Variants in UNC5C observed in about 807,000 individuals in gnomAD.
UNC5C encodes the protein netrin receptor UNC5C.
In UNC5C, 47 loss-of-function variants were observed where a neutral mutation model predicts 99.8. That is an observed-to-expected ratio of 0.47 (90% CI 0.37 to 0.60). UNC5C has a LOEUF of 0.60. Ranked by LOEUF, UNC5C falls within the 20% of genes least tolerant of loss-of-function variation. UNC5C has a pLI of 0.00. For missense variants in UNC5C, 1,062 were observed against 1,165.9 expected (o/e 0.91, Z 1.30); for synonymous variants, 487 against 452.2 (o/e 1.08, Z -0.98).
chr4:95,177,749 T>A (rs1361308364), intron 14 of UNC5C, among the ~76,000 whole-genome samples: 1 of 152,176 alleles, frequency 6.6e-6, no homozygotes, highest in Non-Finnish European at 1.5e-5. Context: ...TCACCCAGGC[T>A]GGAGTGCCAT....
chr4:95,325,922 A>G (rs1158640412), intron 2 of UNC5C, among the ~76,000 whole-genome samples: 1 of 152,124 alleles, frequency 6.6e-6, no homozygotes, highest in Non-Finnish European at 1.5e-5. Context: ...AAATAATTGT[A>G]TTGCATAGCT....
chr4:95,202,860 C>A lies in UNC5C; in HGVS notation c.2007G>T (p.Leu669=). ...CCGCTTTGGTGGTGGAATGTCCTAC[C>A]AGGGCGTAGGTGCTGAGGTTCTCTG... ...ILTENLSTYA[L]VGHSTTKAAA... The change falls in exon 12 of 16, where the codon CTG becomes CTT. Residue 669 remains leucine, a synonymous_variant. Coordinates refer to ENST00000453304, the MANE Select transcript of UNC5C (RefSeq NM_003728.4). The A allele has an allele frequency of 6.2e-7, 1 of 1,614,226 alleles. No individual in the cohort carries two copies. The highest frequency in any genetic ancestry group is 8.5e-7 in the Non-Finnish European group (1 of 1,180,046).
intron 1 of UNC5C, among the ~76,000 whole-genome samples, chr4:95,343,558 A>G (rs1286264068): frequency 6.6e-6 from 1 of 152,228 alleles, no homozygotes; most frequent in South Asian, 2.1e-4. Flanking sequence ...TATCAAGGCC[A>G]TCCAAGAAAA....
At position 95,548,734 on chromosome 4, in the gene UNC5C, C is replaced by G; in HGVS notation, c.124G>C (p.Asp42His). Residue 42 changes from aspartate to histidine, a missense_variant and splice_region_variant, in exon 1 of 16, where the codon GAT (aspartate) becomes CAT (histidine). By Grantham distance (81) the Asp-to-His change is moderately conservative (BLOSUM62 -1). Coordinates refer to ENST00000453304, the MANE Select transcript of UNC5C (RefSeq NM_003728.4). Reference sequence around the variant, plus strand: ...CGCGGAGCTTGGCGGACCCCCTTACCTTGGGCGGCGGAGCCAGTGCCGCTG... The same window carrying G: ...CGCGGAGCTTGGCGGACCCCCTTACGTTGGGCGGCGGAGCCAGTGCCGCTG... ...SASGTGSAAQ[D>H]DDFFHELPET... The G allele has an allele frequency of 6.2e-7, 1 of 1,612,618 alleles. No homozygotes were observed.
chr4:95,300,697 C>G (rs1028971015), intron 3 of UNC5C, among the ~76,000 whole-genome samples: 3 of 151,724 alleles, frequency 2.0e-5, no homozygotes, highest in Non-Finnish European at 2.9e-5. Context: ...CTTTCACATC[C>G]CTAAAGAAAA....
intron 1 of UNC5C, among the ~76,000 whole-genome samples, chr4:95,501,310 A>G (rs1465437622): frequency 6.6e-6 from 1 of 152,076 alleles, no homozygotes; most frequent in Non-Finnish European, 1.5e-5. Flanking sequence ...TCTGAAAACT[A>G]GACTATAATT....
intron 14 of UNC5C, among the ~76,000 whole-genome samples, chr4:95,181,923 G>C (rs1736627584): frequency 6.6e-6 from 1 of 152,208 alleles, no homozygotes; most frequent in Non-Finnish European, 1.5e-5. Flanking sequence ...ACGAGGGAGA[G>C]GTAGTATTTT....
chr4:95,482,483 A>G (rs1721189736), intron 1 of UNC5C, among the ~76,000 whole-genome samples: 1 of 148,970 alleles, frequency 6.7e-6, no homozygotes, highest in Non-Finnish European at 1.5e-5. Context: ...TAGAAATACC[A>G]TTTGACCCAG....
In UNC5C at chr4:95,166,305, C is replaced by T. The variant is rs951225476; in HGVS notation, c.*2929G>A. On this transcript the variant is annotated 3_prime_UTR_variant, in exon 16 of 16. Coordinates refer to ENST00000453304, the MANE Select transcript of UNC5C (RefSeq NM_003728.4). ...GCAATCTAACAGCTATTACTTTACT[C>T]CAAAGGAGAAGGAAATCAGAATTTG... is the stretch of plus-strand genomic sequence containing the variant. 6.6e-5 allele frequency: 10 copies of T among 152,124 alleles called. No individual in the cohort carries two copies. The highest frequency in any genetic ancestry group is 1.3e-4 in the Non-Finnish European group (9 of 68,028). The allele number at this position is 152,124 out of a possible 1,614,324, so 9.4% of individuals were successfully genotyped here.
chr4:95,509,250 A>G (rs1722002331), intron 1 of UNC5C, among the ~76,000 whole-genome samples: 1 of 151,756 alleles, frequency 6.6e-6, no homozygotes, highest in Non-Finnish European at 1.5e-5. Flanking sequence ...CTGTACCTAT[A>G]CTTTTCAATA....
chr4:95,172,274 T>C (rs1736151928), intron 14 of UNC5C, among the ~76,000 whole-genome samples: 1 of 152,016 alleles, frequency 6.6e-6, no homozygotes, highest in African/African-American at 2.4e-5. Flanking sequence ...TTGGCTTTGG[T>C]TGCCATTGCT....
chr4:95,321,554 G>A (rs1441894761), intron 2 of UNC5C, among the ~76,000 whole-genome samples: 1 of 152,106 alleles, frequency 6.6e-6, no homozygotes. Flanking sequence ...GTTAGCCCAG[G>A]TGTTTAAAGA....
At chr4:95,172,642 G>A (rs1287490748) in intron 14 of UNC5C, among the ~76,000 whole-genome samples, 5 of 151,810 alleles carry the variant, frequency 3.3e-5, no homozygotes, top group Admixed American at 1.3e-4. Flanking sequence ...GGTTACTGTA[G>A]CCTTGTAGTA....
At chr4:95,496,525 C>T (rs1441220389) in intron 1 of UNC5C, among the ~76,000 whole-genome samples, 1 of 151,666 alleles carries the variant, frequency 6.6e-6, no homozygotes, top group African/African-American at 2.4e-5. Context: ...TAGTATGTGC[C>T]ACTAACAAAA....
intron 1 of UNC5C, among the ~76,000 whole-genome samples, chr4:95,505,840 A>T (rs1054349712): frequency 3.3e-5 from 5 of 152,096 alleles, no homozygotes; most frequent in African/African-American, 1.2e-4. Context: ...TCTGTCTTCT[A>T]GAAAGAGTAG....
At chr4:95,486,122 A>G (rs1027007027) in intron 1 of UNC5C, among the ~76,000 whole-genome samples, 12 of 151,660 alleles carry the variant, frequency 7.9e-5, no homozygotes, top group African/African-American at 2.9e-4. Flanking sequence ...TTAGTTTCTG[A>G]TTTGTTCAAG....
intron 2 of UNC5C, among the ~76,000 whole-genome samples, chr4:95,312,819 T>G (rs1742322419): frequency 6.6e-6 from 1 of 152,176 alleles, no homozygotes. Flanking sequence ...AGTAAAGAAG[T>G]CTGTTTAGTA....
chr4:95,293,474 C>T (rs950930959), intron 3 of UNC5C, among the ~76,000 whole-genome samples: 16 of 151,570 alleles, frequency 1.1e-4, no homozygotes, highest in African/African-American at 3.6e-4. Context: ...CACACCACCA[C>T]ACTTGGTTAA....
rs2149340716 is a variant in UNC5C at position 95,164,706 on chromosome 4, A to G, written c.*4528T>C. 6.6e-6 allele frequency: 1 copy of G among 152,372 alleles called. No individual in the cohort carries two copies. Among genetic ancestry groups the G allele is most frequent in the South Asian group, 2.1e-4 (1 of 4,828 alleles). 9.4% of individuals were successfully genotyped at this position (152,372 alleles called of 1,614,324 possible). ...GCTCTTCCATTCTCAAAGAAGATGG[A>G]TAAAGTCCCATTTCATTTCAGCTGT... On this transcript the variant is annotated 3_prime_UTR_variant, in exon 16 of 16. Coordinates refer to ENST00000453304, the MANE Select transcript of UNC5C (RefSeq NM_003728.4).
Sources: gnomAD v4.1 joint callset for allele counts (sites outside exome capture counted in the v4.1 genomes callset) on GRCh38, gnomAD v4.1.1 for gene constraint, MANE v1.5 for transcripts, NCBI Gene and HGNC (gene_info 2026-07-23, HGNC 2026-07-21) for gene names.